Variants in WWOX observed in about 807,000 individuals in gnomAD.
The protein encoded by WWOX is WW domain containing oxidoreductase, also known as WW domain-containing oxidoreductase.
Under a neutral mutation model 46.2 loss-of-function variants are expected in WWOX, and 69 were observed. That is an observed-to-expected ratio of 1.49 (90% CI 1.23 to 1.82). The LOEUF (loss-of-function observed/expected upper bound fraction) is 1.82, where lower values mean the gene tolerates loss of function less well. Ranked by LOEUF, WWOX falls within the 40% of genes most tolerant of loss-of-function variation. The pLI, the probability that WWOX is intolerant of heterozygous loss-of-function variation, is 0.00. For missense variants in WWOX, 919 were observed against 542.6 expected (o/e 1.69, Z -6.89); for synonymous variants, 359 against 202.6 (o/e 1.77, Z -6.56).
At chr16:79,031,452 C>T (rs16949311) in intron 8 of WWOX, among the ~76,000 whole-genome samples, 2,504 of 142,646 alleles carry the variant, frequency 0.018, 73 homozygotes, top group African/African-American at 0.059. Flanking sequence ...AAGAAAGGGA[C>T]TCAATTTTTG....
At position 78,424,897 on chromosome 16, in the gene WWOX, A is replaced by G. The variant is rs1597215838; in HGVS notation, c.633A>G (p.Ala211=). Residue 211 remains alanine, a synonymous_variant, in exon 7 of 9, where the codon GCA becomes GCG. Transcript: ENST00000566780. ...CTCTTCATGTGCTTGTGTGCAACGCAGCAACTTTTGCTCTACCCTGGAGTC... is the reference window on the plus strand; with the variant it reads ...CTCTTCATGTGCTTGTGTGCAACGCGGCAACTTTTGCTCTACCCTGGAGTC... The part of the protein sequence containing the change: ...NVPLHVLVCN[A]ATFALPWSLT... 1 of 1,614,136 alleles carries G rather than the reference A, an allele frequency of 6.2e-7. No homozygotes were observed. Among genetic ancestry groups the G allele is most frequent in the South Asian group, 1.1e-5 (1 of 91,082 alleles).
intron 5 of WWOX, among the ~76,000 whole-genome samples, chr16:78,278,308 T>C (rs2079615149): frequency 6.6e-6 from 1 of 152,164 alleles, no homozygotes; most frequent in Admixed American, 6.5e-5. Flanking sequence ...CCAAGTATAG[T>C]AATATTGTTG....
chr16:78,719,515 G>A (rs952068008), intron 8 of WWOX, among the ~76,000 whole-genome samples: 4 of 152,194 alleles, frequency 2.6e-5, no homozygotes, highest in African/African-American at 4.8e-5. Flanking sequence ...GATGAAATGC[G>A]AATAAATAGG....
intron 8 of WWOX, among the ~76,000 whole-genome samples, chr16:78,926,468 T>A (rs2045501001): frequency 6.6e-6 from 1 of 152,200 alleles, no homozygotes; most frequent in African/African-American, 2.4e-5. Flanking sequence ...AATTCTGAGT[T>A]TGTGTCTATG....
At chr16:78,960,967 A>T (rs2151311928) in intron 8 of WWOX, among the ~76,000 whole-genome samples, 1 of 152,322 alleles carries the variant, frequency 6.6e-6, no homozygotes, top group South Asian at 2.1e-4. Context: ...AAAGAGAAGA[A>T]TCTATAATGT....
At chr16:78,769,463 G>T (rs1175992089) in intron 8 of WWOX, among the ~76,000 whole-genome samples, 3 of 152,078 alleles carry the variant, frequency 2.0e-5, no homozygotes, top group African/African-American at 4.8e-5. Context: ...GTCCTTGCTT[G>T]CATTCTGTGA....
intron 8 of WWOX, among the ~76,000 whole-genome samples, chr16:78,682,126 G>A (rs540704022): frequency 1.3e-5 from 2 of 152,272 alleles, no homozygotes; most frequent in South Asian, 4.1e-4. Flanking sequence ...TCAGCAAATG[G>A]CCTTTGGTGT....
At chr16:78,484,681 C>T (rs1239848781) in intron 8 of WWOX, among the ~76,000 whole-genome samples, 1 of 152,088 alleles carries the variant, frequency 6.6e-6, no homozygotes, top group African/African-American at 2.4e-5. Context: ...AGTCTCTAAG[C>T]AGGTTGCTAA....
chr16:78,100,117 G>C, intron 1 of WWOX: 5 of 1,368,708 alleles, frequency 3.7e-6, no homozygotes, highest in Non-Finnish European at 4.7e-6. Context: ...GCCCTCTGCT[G>C]TTCAGGATGC....
chr16:78,535,997 C>G (rs78804976), intron 8 of WWOX, among the ~76,000 whole-genome samples: 1 of 152,134 alleles, frequency 6.6e-6, no homozygotes, highest in Non-Finnish European at 1.5e-5. Flanking sequence ...AGGTTAGTTT[C>G]GGGTATTTCC....
intron 8 of WWOX, among the ~76,000 whole-genome samples, chr16:78,671,838 A>C (rs1442087646): frequency 6.6e-6 from 1 of 152,210 alleles, no homozygotes; most frequent in African/African-American, 2.4e-5. Context: ...TGTAAAGTAG[A>C]AAAATACATG....
rs116914384 is a variant in WWOX, at chr16:79,156,339, T to A, written c.1057-55269T>A. ...ACACACTTGGCTAATTTTTGTGCAT[T>A]TTGTAGAGATGGGGTTTTGCCATGC... is the stretch of plus-strand genomic sequence containing the variant. On this transcript the variant is annotated intron_variant, in intron 8 of 8. Coordinates refer to ENST00000566780, the MANE Select transcript of WWOX (RefSeq NM_016373.4). Among the ~76,000 whole-genome samples the A allele has an allele frequency of 8.0e-3, 1,221 of 152,268 alleles. 12 individuals are homozygous for A. The highest frequency in any genetic ancestry group is 0.014 in the Non-Finnish European group (926 of 68,012).
chr16:79,211,649 A>G lies in WWOX; in HGVS notation c.1098A>G (p.Pro366=). 6.2e-7 allele frequency: 1 copy of G among 1,614,192 alleles called. No homozygotes were observed. Among genetic ancestry groups the G allele is most frequent in the Non-Finnish European group, 8.5e-7 (1 of 1,180,036 alleles). ...CCACCGTGTACTGTGCTGCTGTCCC[A>G]GAACTGGAGGGTCTGGGAGGGATGT... is the stretch of plus-strand genomic sequence containing the variant. ...AATTVYCAAV[P]ELEGLGGMYF... is the part of the protein sequence containing the mutation. Residue 366 remains proline (P), a synonymous_variant, in exon 9 of 9, where the codon CCA becomes CCG. Transcript: ENST00000566780.
At chr16:78,635,030 C>T (rs551926678) in intron 8 of WWOX, among the ~76,000 whole-genome samples, 1 of 152,248 alleles carries the variant, frequency 6.6e-6, no homozygotes, top group East Asian at 1.9e-4. Context: ...CCTCATCCAA[C>T]CCTGACGGCT....
intron 8 of WWOX, among the ~76,000 whole-genome samples, chr16:78,508,729 C>T (rs186935764): frequency 1.1e-4 from 16 of 152,230 alleles, no homozygotes; most frequent in African/African-American, 3.9e-4. Flanking sequence ...GGAAGCAGAG[C>T]GTGAATGCCG....
chr16:78,449,016 G>A (rs1038743081), intron 8 of WWOX, among the ~76,000 whole-genome samples: 1 of 152,186 alleles, frequency 6.6e-6, no homozygotes, highest in African/African-American at 2.4e-5. Context: ...AAGATAAGCA[G>A]TGTTATTACA....
intron 8 of WWOX, among the ~76,000 whole-genome samples, chr16:78,728,722 A>G (rs1369507373): frequency 2.0e-5 from 3 of 152,186 alleles, no homozygotes; most frequent in Non-Finnish European, 4.4e-5. Flanking sequence ...TCCAGTTTTC[A>G]CATCCTATGA....
intron 8 of WWOX, among the ~76,000 whole-genome samples, chr16:78,810,448 C>G (rs932911744): frequency 1.3e-5 from 2 of 152,160 alleles, no homozygotes; most frequent in African/African-American, 4.8e-5. Context: ...TATTACATGT[C>G]AACTCAGAAA....
rs2049432050 is a variant in WWOX, at chr16:78,749,717, G to C, written c.1056+316965G>C. ...TCATTTAATATATATCTGTGAAAAT[G>C]GGCCAAATAGATTGCCTCCGTTAAA... On this transcript the variant is annotated intron_variant, in intron 8 of 8. Transcript: ENST00000566780. Among the ~76,000 whole-genome samples the C allele has an allele frequency of 2.0e-5, 3 of 152,156 alleles. No homozygotes were observed. The South Asian group carries it at 6.2e-4, about 32-fold the overall frequency.
Sources: allele counts gnomAD v4.1 joint callset (sites outside exome capture counted in the v4.1 genomes callset), GRCh38; gene constraint gnomAD v4.1.1; transcripts MANE v1.5; gene names NCBI Gene and HGNC (gene_info 2026-07-23, HGNC 2026-07-21).